ARL5A: variants seen among roughly 807,000 people sequenced by gnomAD.
ARL5A encodes the protein ARF like GTPase 5A.
In ARL5A, 18 loss-of-function variants were observed where a neutral mutation model predicts 25.9. That is an observed-to-expected ratio of 0.69 (90% confidence interval 0.48 to 1.03). The LOEUF (loss-of-function observed/expected upper bound fraction) is 1.03, where lower values mean the gene tolerates loss of function less well. Among genes scored for constraint, ARL5A ranks in the 50% least tolerant of loss-of-function variants. The probability of loss-of-function intolerance (pLI) is 0.00; values close to 1 mark genes in which losing one functional copy is unlikely to be tolerated. For missense variants in ARL5A, 170 were observed against 211.9 expected (o/e 0.80, Z 1.23); for synonymous variants, 61 against 67.5 (o/e 0.90, Z 0.47).
chr2:151,805,630 AC>A (rs2099829987), intron 5 of ARL5A, among the ~76,000 whole-genome samples: 2 of 152,198 alleles, frequency 1.3e-5, no homozygotes, highest in African/African-American at 4.8e-5. Flanking sequence ...TCTGTGCCAT[AC>A]AACCTGTTGC....
At chr2:151,814,436 T>C (rs1263475216) in intron 2 of ARL5A, 120 bp from the exon 3 acceptor site, 1 of 792,792 alleles carries the variant, frequency 1.3e-6, no homozygotes, top group African/African-American at 1.8e-5. Context: ...AATATCTTTT[T>C]CCCACTAGTT....
intron 5 of ARL5A, among the ~76,000 whole-genome samples, chr2:151,806,125 CT>C (rs1304293695): frequency 6.6e-6 from 1 of 152,184 alleles, no homozygotes; most frequent in Non-Finnish European, 1.5e-5. Flanking sequence ...CTCCATCTTC[CT>C]GGTCCTTGAC....
At chr2:151,810,933 G>A (rs1054432183) in intron 4 of ARL5A, among the ~76,000 whole-genome samples, 65 of 151,362 alleles carry the variant, frequency 4.3e-4, no homozygotes, top group African/African-American at 1.5e-3. Context: ...TGCAAAATAG[G>A]AATTTGAAAA....
rs565962295 is a variant in ARL5A at position 151,828,023 on chromosome 2, T to A, written c.46+108A>T. The A allele has an allele frequency of 1.3e-4, 158 of 1,238,680 alleles. 4 individuals carry two copies. In the South Asian group the frequency reaches 1.8e-3, roughly 14 times the overall value. The allele number at this position is 1,238,680 out of a possible 1,614,324, so 76.7% of individuals were successfully genotyped here. A position where few individuals can be genotyped will look rare whatever the true frequency, so the allele number is the denominator to read the frequency against. On this transcript the variant is annotated intron_variant, in intron 1 of 5. Transcript: ENST00000295087. ...GCGCAGCCTGCACCCCGCGCTGAGC[T>A]GGCGCCCGACCGAGCCGCCCACATT...
intron 1 of ARL5A, among the ~76,000 whole-genome samples, chr2:151,823,755 G>A (rs1043168198): frequency 1.2e-4 from 18 of 152,114 alleles, no homozygotes; most frequent in Admixed American, 2.0e-4. Flanking sequence ...CTCCCTCTTC[G>A]GTGCTGAGGA....
rs1189090837 is a variant in ARL5A, at chr2:151,814,211, T to A, written c.213A>T (p.Glu71Asp). The change falls in exon 3 of 6, where the codon GAA (glutamate) becomes GAT (aspartate). Residue 71 changes from glutamate (E) to aspartate (D), a missense_variant. Glu to Asp is a conservative substitution (Grantham distance 45, BLOSUM62 2). Transcript: ENST00000295087. Reference protein sequence around the residue: ...RFLMWDIGGQESLRSSWNTYY... With the variant: ...RFLMWDIGGQDSLRSSWNTYY... ...AAGTGTTCCAGGAAGAACGAAGAGA[T>A]TCTTGGCCACCAATATCCCACATTA... 6.2e-7 allele frequency: 1 copy of A among 1,607,310 alleles called. No homozygotes were observed. The highest frequency in any genetic ancestry group is 1.3e-5 in the African/African-American group (1 of 74,482).
rs991247080 is a variant in ARL5A, at chr2:151,802,136, T to C, written c.*1140A>G. On this transcript the variant is annotated 3_prime_UTR_variant, in exon 6 of 6. Transcript: ENST00000295087. ...AATTTAGAAATAAAAAATCTCACAC[T>C]ATATTCCAAGTACCAAAATAAGAAG... 6.6e-6 allele frequency: 1 copy of C among 152,130 alleles called. No individual in the cohort carries two copies. The highest frequency in any genetic ancestry group is 1.5e-5 in the Non-Finnish European group (1 of 67,968). 9.4% of individuals were successfully genotyped at this position (152,130 alleles called of 1,614,324 possible).
At chr2:151,827,732 A>G in intron 1 of ARL5A, 1 of 203,020 alleles carries the variant, frequency 4.9e-6, no homozygotes. Context: ...GCAATCTATA[A>G]CCTTCATTCC....
chr2:151,815,061 T>C (rs2099831323), intron 2 of ARL5A, 78 bp downstream of exon 2: 1 of 1,047,504 alleles, frequency 9.5e-7, no homozygotes. Flanking sequence ...AATTTCTTAC[T>C]GCATTCATTG....
intron 3 of ARL5A, among the ~76,000 whole-genome samples, chr2:151,813,785 T>C (rs192707673): frequency 7.9e-5 from 12 of 152,324 alleles, no homozygotes; most frequent in Admixed American, 5.9e-4. Flanking sequence ...CAATTGTGTT[T>C]TGTAAAAGAA....
intron 4 of ARL5A, among the ~76,000 whole-genome samples, chr2:151,808,333 GAATA>G (rs2099830362): frequency 6.6e-6 from 1 of 152,148 alleles, no homozygotes. Context: ...GTATGTGTTT[GAATA>G]AATAAAATCT....
chr2:151,828,104 C>G, intron 1 of ARL5A, 27 bp downstream of exon 1: 1 of 1,606,092 alleles, frequency 6.2e-7, no homozygotes. Flanking sequence ...CTCCCCAACC[C>G]GTACGCCCGC....
chr2:151,811,731 C>T lies in ARL5A; in HGVS notation c.339+626G>A, dbSNP rs1381015388. The stretch of plus-strand genomic sequence containing the variant: ...GGACTACAGGTGCATGCCACCACAC[C>T]TGGCTAATTTTGTTTATTTTTCGTA... On this transcript the variant is annotated intron_variant, in intron 4 of 5. Transcript: ENST00000295087. Among the ~76,000 whole-genome samples the T allele has an allele frequency of 2.0e-5, 3 of 152,130 alleles. No homozygotes were observed. The East Asian group carries it at 5.8e-4, about 29-fold the overall frequency.
At chr2:151,823,616 G>C (rs980064564) in intron 1 of ARL5A, among the ~76,000 whole-genome samples, 3 of 152,182 alleles carry the variant, frequency 2.0e-5, no homozygotes, top group African/African-American at 7.2e-5. Context: ...TATCCCTAGG[G>C]TTGAGATAAA....
At chr2:151,819,548 G>C (rs1473129063) in intron 1 of ARL5A, among the ~76,000 whole-genome samples, 1 of 152,106 alleles carries the variant, frequency 6.6e-6, no homozygotes. Context: ...TTGAATAATA[G>C]TAGGACATAC....
chr2:151,824,378 C>T (rs2099832744), intron 1 of ARL5A, among the ~76,000 whole-genome samples: 1 of 152,150 alleles, frequency 6.6e-6, no homozygotes, highest in African/African-American at 2.4e-5. Context: ...AAATTATCAA[C>T]TATCACAAAT....
intron 1 of ARL5A, among the ~76,000 whole-genome samples, chr2:151,819,202 C>T (rs940924600): frequency 6.6e-6 from 1 of 152,308 alleles, no homozygotes; most frequent in East Asian, 1.9e-4. Flanking sequence ...AAAAACAGTA[C>T]TCTCTCAGTT....
At chr2:151,823,994 T>C (rs1368729792) in intron 1 of ARL5A, among the ~76,000 whole-genome samples, 1 of 152,194 alleles carries the variant, frequency 6.6e-6, no homozygotes, top group African/African-American at 2.4e-5. Flanking sequence ...CTGACAAAAC[T>C]TAACATTTTG....
chr2:151,826,015 G>A (rs767197429), intron 1 of ARL5A, among the ~76,000 whole-genome samples: 6 of 152,006 alleles, frequency 3.9e-5, no homozygotes, highest in Non-Finnish European at 5.9e-5. Flanking sequence ...CCAGCCACTC[G>A]GGAGGCTGAG....
Sources: gnomAD v4.1 joint callset for allele counts (sites outside exome capture counted in the v4.1 genomes callset) on GRCh38, gnomAD v4.1.1 for gene constraint, MANE v1.5 for transcripts, NCBI Gene and HGNC (gene_info 2026-07-23, HGNC 2026-07-21) for gene names.